Variants in FSTL4 observed in about 807,000 individuals in gnomAD.
FSTL4 encodes follistatin like 4.
Under a neutral mutation model 78.2 loss-of-function variants are expected in FSTL4, and 28 were observed. The ratio of observed to expected loss-of-function variants is 0.36; its 90% confidence interval spans 0.27 to 0.49. FSTL4 has a LOEUF of 0.49. FSTL4 is among the 20% of genes least tolerant of loss of function. FSTL4 has a pLI of 0.98. For synonymous variants in FSTL4, 422 were observed against 440.5 expected (o/e 0.96, Z 0.53); for missense variants, 922 against 1,084.9 (o/e 0.85, Z 2.11).
chr5:133,435,917 G>A (rs1757024481), intron 3 of FSTL4, among the ~76,000 whole-genome samples: 1 of 152,154 alleles, frequency 6.6e-6, no homozygotes, highest in Admixed American at 6.5e-5. Context: ...TTGACAAACA[G>A]AACTTCGCCC....
the FSTL4 span, among the ~76,000 whole-genome samples, chr5:133,660,467 C>G: frequency 6.6e-6 from 1 of 152,206 alleles, no homozygotes; most frequent in South Asian, 2.1e-4. Context: ...TACCTGCTGC[C>G]CTCCTGCTGG....
At chr5:133,711,004 C>T in the FSTL4 span, among the ~76,000 whole-genome samples, 43 of 152,312 alleles carry the variant, frequency 2.8e-4, no homozygotes, top group African/African-American at 9.4e-4. Flanking sequence ...TTGCACTCTG[C>T]GCTCACAGAG....
At chr5:133,368,032 A>C (rs1235552776) in intron 4 of FSTL4, among the ~76,000 whole-genome samples, 1 of 152,252 alleles carries the variant, frequency 6.6e-6, no homozygotes, top group Non-Finnish European at 1.5e-5. Flanking sequence ...TAAGAAAGAT[A>C]CCCTTGTCCA....
At chr5:133,372,136 G>A (rs1056565191) in intron 4 of FSTL4, among the ~76,000 whole-genome samples, 1 of 152,316 alleles carries the variant, frequency 6.6e-6, no homozygotes, top group African/African-American at 2.4e-5. Flanking sequence ...AGGGCCATCA[G>A]CTTTGGAGAC....
intron 13 of FSTL4, among the ~76,000 whole-genome samples, chr5:133,214,871 C>T (rs1246502189): frequency 6.6e-6 from 1 of 152,190 alleles, no homozygotes; most frequent in Non-Finnish European, 1.5e-5. Context: ...GTAATGTCAC[C>T]TACTTTAAAA....
chr5:133,529,756 T>C (rs1034236530), intron 3 of FSTL4, among the ~76,000 whole-genome samples: 2 of 152,204 alleles, frequency 1.3e-5, no homozygotes, highest in African/African-American at 4.8e-5. Context: ...AGACTCACCC[T>C]TCAGAGTTGC....
At chr5:133,495,886 T>A (rs915962147) in intron 3 of FSTL4, among the ~76,000 whole-genome samples, 1 of 152,168 alleles carries the variant, frequency 6.6e-6, no homozygotes, top group African/African-American at 2.4e-5. Context: ...CAGGAGACAC[T>A]AGGCTGTGAG....
At chr5:133,408,299 C>A (rs887182258) in intron 3 of FSTL4, among the ~76,000 whole-genome samples, 12 of 152,224 alleles carry the variant, frequency 7.9e-5, no homozygotes, top group Admixed American at 7.8e-4. Context: ...CCTGCAGTAA[C>A]CAACGTCACC....
chr5:133,326,676 T>C (rs1412312193), intron 4 of FSTL4, among the ~76,000 whole-genome samples: 1 of 152,212 alleles, frequency 6.6e-6, no homozygotes, highest in South Asian at 2.1e-4. Context: ...CAAGGCCCAG[T>C]TCCACAGAGC....
chr5:133,762,459 C>T, the FSTL4 span, among the ~76,000 whole-genome samples: 1 of 152,194 alleles, frequency 6.6e-6, no homozygotes, highest in African/African-American at 2.4e-5. Context: ...AAATAATCAA[C>T]TTTTAGGACT....
At chr5:133,582,295 G>A (rs748291117) in intron 2 of FSTL4, among the ~76,000 whole-genome samples, 7 of 152,156 alleles carry the variant, frequency 4.6e-5, no homozygotes, top group South Asian at 2.1e-4. Flanking sequence ...CCAGACCCCC[G>A]GCACTGGGTC....
At chr5:133,266,176 A>G (rs1396089134) in intron 6 of FSTL4, among the ~76,000 whole-genome samples, 4 of 152,124 alleles carry the variant, frequency 2.6e-5, no homozygotes, top group African/African-American at 9.7e-5. Flanking sequence ...GACAGTTCTG[A>G]GCATGCAGAG....
the FSTL4 span, among the ~76,000 whole-genome samples, chr5:133,682,484 C>T: frequency 2.6e-5 from 4 of 152,260 alleles, no homozygotes; most frequent in Non-Finnish European, 5.9e-5. Flanking sequence ...AACTCCAATG[C>T]TGGCAATATG....
chr5:133,680,720 AG>A, the FSTL4 span, among the ~76,000 whole-genome samples: 3 of 152,178 alleles, frequency 2.0e-5, no homozygotes, highest in Non-Finnish European at 4.4e-5. Flanking sequence ...CTTTTGGCAG[AG>A]GGGAGGGGTA....
chr5:133,553,896 G>A (rs995963933), intron 3 of FSTL4, among the ~76,000 whole-genome samples: 7 of 152,136 alleles, frequency 4.6e-5, no homozygotes, highest in African/African-American at 1.7e-4. Flanking sequence ...ACTCAGGGGT[G>A]GGAGGCAAGG....
chr5:133,467,483 A>C (rs576008481), intron 3 of FSTL4, among the ~76,000 whole-genome samples: 4 of 152,142 alleles, frequency 2.6e-5, no homozygotes, highest in Non-Finnish European at 5.9e-5. Flanking sequence ...GCAAATTATG[A>C]TCTGATTGTG....
intron 3 of FSTL4, among the ~76,000 whole-genome samples, chr5:133,540,167 C>A (rs1487885261): frequency 6.6e-6 from 1 of 152,032 alleles, no homozygotes; most frequent in Non-Finnish European, 1.5e-5. Flanking sequence ...CAGCTTACCC[C>A]ATCAGATTCT....
At chr5:133,785,768 T>C in the FSTL4 span, among the ~76,000 whole-genome samples, 1 of 152,138 alleles carries the variant, frequency 6.6e-6, no homozygotes, top group South Asian at 2.1e-4. Context: ...AAGTCATGGC[T>C]ATGTCTGGGA....
In FSTL4 at chr5:133,601,674, T is replaced by TTTTC. The variant is rs796910321; in HGVS notation, c.126+2180_126+2183dup. Among the ~76,000 whole-genome samples the TTTTC allele has an allele frequency of 4.7e-5, 7 of 150,038 alleles. No individual in the cohort carries two copies. The East Asian group carries it at 1.4e-3, about 29-fold the overall frequency. On this transcript the variant is annotated intron_variant, in intron 2 of 15. Coordinates refer to ENST00000265342, the MANE Select transcript of FSTL4 (RefSeq NM_015082.2). ...CTTTTTTTTCCTTCGAGTTTTTTCT[T>TTTTC]TTTCTTTCTTTCTTTTTTTTTTTTC... is the stretch of plus-strand genomic sequence containing the variant.
Sources: allele counts gnomAD v4.1 joint callset (sites outside exome capture counted in the v4.1 genomes callset), GRCh38; gene constraint gnomAD v4.1.1; transcripts MANE v1.5; gene names NCBI Gene and HGNC (gene_info 2026-07-23, HGNC 2026-07-21).